Variants in QTGAL observed in about 807,000 individuals in gnomAD.
The protein encoded by QTGAL is queuosine-tRNA galactosyltransferase.
the QTGAL span, chr17:82,942,265 C>G: frequency 1.4e-6 from 1 of 739,784 alleles, no homozygotes; most frequent in Non-Finnish European, 2.2e-6. Flanking sequence ...TCCGAGGACA[C>G]GTTAGTCATG....
the QTGAL span, chr17:83,051,742 G>A: frequency 2.8e-5 from 42 of 1,496,740 alleles, 1 homozygote; most frequent in Middle Eastern, 6.6e-4. Context: ...CCTACCACGT[G>A]GGCCTGCATG....
the QTGAL span, chr17:82,960,626 G>A: frequency 6.7e-5 from 11 of 165,266 alleles, no homozygotes; most frequent in South Asian, 1.4e-3. Flanking sequence ...GGCGGACCCC[G>A]CAGCACTGGG....
the QTGAL span, among the ~76,000 whole-genome samples, chr17:83,044,351 A>C: frequency 1.3e-5 from 2 of 152,244 alleles, no homozygotes; most frequent in Admixed American, 1.3e-4. Context: ...CAATCAACGT[A>C]ACATACCATC....
the QTGAL span, among the ~76,000 whole-genome samples, chr17:82,971,071 C>T: frequency 0.41 from 62,811 of 151,854 alleles, 13,101 homozygotes; most frequent in South Asian, 0.46. Flanking sequence ...GGCATTCATC[C>T]GTGCACAAGG....
the QTGAL span, among the ~76,000 whole-genome samples, chr17:82,994,443 T>G: frequency 6.6e-6 from 1 of 151,292 alleles, no homozygotes; most frequent in Non-Finnish European, 1.5e-5. Context: ...ATCTAGAAAA[T>G]CTAGGAAAAA....
At chr17:82,949,526 G>A in the QTGAL span, 2 of 152,202 alleles carry the variant, frequency 1.3e-5, no homozygotes, top group Admixed American at 1.3e-4. Context: ...AATTGCAGGG[G>A]AGCCTGATGC....
chr17:83,007,948 C>T, the QTGAL span, among the ~76,000 whole-genome samples: 7 of 152,220 alleles, frequency 4.6e-5, no homozygotes, highest in Non-Finnish European at 7.3e-5. Flanking sequence ...TGCATCTAAA[C>T]AGCAGTAGGA....
At chr17:82,959,853 TGTCTGTATTTG>T in the QTGAL span, among the ~76,000 whole-genome samples, 1 of 152,194 alleles carries the variant, frequency 6.6e-6, no homozygotes, top group Non-Finnish European at 1.5e-5. Context: ...GCAGCCATGA[TGTCTGTATTTG>T]GTTCATCTTC....
At chr17:83,038,600 T>G in the QTGAL span, among the ~76,000 whole-genome samples, 1 of 152,216 alleles carries the variant, frequency 6.6e-6, no homozygotes, top group East Asian at 1.9e-4. Flanking sequence ...GTTTCACACC[T>G]GTAATCCCAG....
At chr17:82,960,150 G>A in the QTGAL span, among the ~76,000 whole-genome samples, 1 of 152,174 alleles carries the variant, frequency 6.6e-6, no homozygotes, top group Non-Finnish European at 1.5e-5. Context: ...CCAGCATGCA[G>A]GAGTGAGGAT....
the QTGAL span, among the ~76,000 whole-genome samples, chr17:83,036,303 G>A: frequency 6.6e-6 from 1 of 152,214 alleles, no homozygotes; most frequent in African/African-American, 2.4e-5. Context: ...CCCGGAGCAC[G>A]AGGGCAGCCG....
chr17:82,979,777 A>G, the QTGAL span, among the ~76,000 whole-genome samples: 2 of 152,252 alleles, frequency 1.3e-5, no homozygotes, highest in Non-Finnish European at 2.9e-5. Context: ...TTATATACAG[A>G]GGCAGAAATA....
At chr17:82,993,749 T>C in the QTGAL span, among the ~76,000 whole-genome samples, 1 of 151,752 alleles carries the variant, frequency 6.6e-6, no homozygotes, top group African/African-American at 2.4e-5. Flanking sequence ...AAACAAGTCT[T>C]ACAACATTAA....
At chr17:83,008,413 T>G in the QTGAL span, among the ~76,000 whole-genome samples, 2,439 of 152,278 alleles carry the variant, frequency 0.016, 55 homozygotes, top group African/African-American at 0.056. Flanking sequence ...CACCAGGATC[T>G]GGCAATTCCA....
the QTGAL span, among the ~76,000 whole-genome samples, chr17:82,999,580 A>G: frequency 6.6e-6 from 1 of 152,234 alleles, no homozygotes; most frequent in Non-Finnish European, 1.5e-5. Flanking sequence ...TTTGTATGTT[A>G]TATGTACTAT....
At chr17:83,021,447 TAA>T in the QTGAL span, among the ~76,000 whole-genome samples, 100 of 152,022 alleles carry the variant, frequency 6.6e-4, no homozygotes, top group Non-Finnish European at 1.3e-3. Flanking sequence ...CAAAAATACT[TAA>T]GAGATATATT....
At chr17:83,042,354 G>A in the QTGAL span, among the ~76,000 whole-genome samples, 1 of 152,152 alleles carries the variant, frequency 6.6e-6, no homozygotes, top group East Asian at 1.9e-4. Context: ...GTGATGGAGT[G>A]AGCCCCTGCC....
chr17:83,020,673 G>A, the QTGAL span, among the ~76,000 whole-genome samples: 6 of 152,216 alleles, frequency 3.9e-5, no homozygotes, highest in South Asian at 2.1e-4. Context: ...TGGCCATCCC[G>A]ACCATCCGGT....
the QTGAL span, chr17:83,005,205 A>G: frequency 1.2e-5 from 20 of 1,605,504 alleles, no homozygotes; most frequent in Non-Finnish European, 1.6e-5. This position sits in a 1 kb window ranked among gnomAD's most constrained non-coding sequence, Gnocchi z 5.6. Context: ...CTCTGCAACC[A>G]ATGATCTGTG....
Sources: gnomAD v4.1 joint callset for allele counts (sites outside exome capture counted in the v4.1 genomes callset) on GRCh38, gnomAD v4.1.1 for gene constraint, Gnocchi (gnomAD v3.1) non-coding constraint, MANE v1.5 for transcripts, NCBI Gene and HGNC (gene_info 2026-07-23, HGNC 2026-07-21) for gene names.